The following NTM variants were observed in gnomAD, a reference collection of about 807,000 sequenced individuals.
NTM encodes the protein neurotrimin.
Under a neutral mutation model 42.1 loss-of-function variants are expected in NTM, and 13 were observed. That is an observed-to-expected ratio of 0.31 (90% CI 0.20 to 0.49). NTM has a LOEUF of 0.49. Among genes scored for constraint, NTM ranks in the 20% least tolerant of loss-of-function variants. The pLI, the probability that NTM is intolerant of heterozygous loss-of-function variation, is 0.99. For missense variants in NTM, 373 were observed against 452.8 expected (o/e 0.82, Z 1.60); for synonymous variants, 187 against 179.2 (o/e 1.04, Z -0.35).
chr11:132,083,151 G>T (rs1250900429), intron 2 of NTM, among the ~76,000 whole-genome samples: 2 of 152,146 alleles, frequency 1.3e-5, no homozygotes, highest in Non-Finnish European at 2.9e-5. Context: ...TTTCTTCTGA[G>T]TTGCAGCCAG....
chr11:131,524,983 G>A (rs1292480933), intron 1 of NTM, among the ~76,000 whole-genome samples: 2 of 152,126 alleles, frequency 1.3e-5, no homozygotes. Context: ...AGGAAACCTG[G>A]TACAGGGGAT....
intron 1 of NTM, among the ~76,000 whole-genome samples, chr11:131,732,059 A>G (rs1199556579): frequency 6.6e-6 from 1 of 151,932 alleles, no homozygotes; most frequent in East Asian, 1.9e-4. Context: ...TTTAACTCAA[A>G]CTCTCTGGAC....
intron 1 of NTM, among the ~76,000 whole-genome samples, chr11:131,815,203 C>T (rs1265542406): frequency 6.6e-6 from 1 of 152,140 alleles, no homozygotes; most frequent in Non-Finnish European, 1.5e-5. Context: ...TGTTCTTCTG[C>T]CCCCGCCTTC....
chr11:131,769,788 A>G (rs1160158978), intron 1 of NTM: 1 of 153,164 alleles, frequency 6.5e-6, no homozygotes, highest in Non-Finnish European at 1.5e-5. Context: ...AGGCTTGAGG[A>G]GAAAGAAGCA....
rs10894459 is a variant in NTM at position 131,827,240 on chromosome 11, A to T, written c.83-84324A>T. 2.2e-3 allele frequency among the ~76,000 whole-genome samples: 332 copies of T among 152,106 alleles called. 1 individual carries two copies. Among genetic ancestry groups the T allele is most frequent in the African/African-American group, 7.6e-3 (316 of 41,520 alleles). ...CTGCTATAGAGGTAAAGGCAAGATG[A>T]CACAATAGGAAATAAAAGGAGAGCC... On this transcript the variant is annotated intron_variant, in intron 1 of 8. Coordinates refer to ENST00000683400, the MANE Select transcript of NTM (RefSeq NM_001352005.2).
chr11:131,644,397 C>T (rs367958352), intron 1 of NTM, among the ~76,000 whole-genome samples: 5 of 152,242 alleles, frequency 3.3e-5, no homozygotes, highest in African/African-American at 1.2e-4. Flanking sequence ...CTGGGGCTGC[C>T]CCAGGGAGTT....
intron 1 of NTM, among the ~76,000 whole-genome samples, chr11:131,690,222 C>G (rs1268377206): frequency 1.3e-5 from 2 of 152,188 alleles, no homozygotes; most frequent in African/African-American, 4.8e-5. Flanking sequence ...TCCCTGAACA[C>G]CTTGGTGCAA....
chr11:132,069,752 A>T (rs71485720), intron 2 of NTM, among the ~76,000 whole-genome samples: 2 of 148,460 alleles, frequency 1.3e-5, no homozygotes, highest in East Asian at 2.1e-4. Flanking sequence ...AACACGTCAC[A>T]CAGCCAAGTT....
At chr11:132,063,834 G>C (rs1239948813) in intron 2 of NTM, among the ~76,000 whole-genome samples, 2 of 152,158 alleles carry the variant, frequency 1.3e-5, no homozygotes, top group African/African-American at 4.8e-5. Flanking sequence ...TACAAAAAGA[G>C]GCAGACATAG....
chr11:132,047,954 C>T (rs1463855432), intron 2 of NTM, among the ~76,000 whole-genome samples: 1 of 152,126 alleles, frequency 6.6e-6, no homozygotes, highest in Non-Finnish European at 1.5e-5. Context: ...CTAATGCCCT[C>T]ACTTTCTACC....
chr11:132,334,940 G>A (rs2095859530), intron 8 of NTM, 106 bp from the exon 9 acceptor site: 2 of 1,524,582 alleles, frequency 1.3e-6, no homozygotes, highest in Non-Finnish European at 1.8e-6. Context: ...TCACTTAGAG[G>A]GATGACTCAC....
chr11:131,712,740 C>T, intron 1 of NTM, among the ~76,000 whole-genome samples: 1 of 152,004 alleles, frequency 6.6e-6, no homozygotes, highest in East Asian at 1.9e-4. Flanking sequence ...CATGCCACCA[C>T]ACCAGCCTAA....
intron 1 of NTM, among the ~76,000 whole-genome samples, chr11:131,764,389 C>T (rs940633973): frequency 1.3e-5 from 2 of 152,054 alleles, no homozygotes; most frequent in Non-Finnish European, 2.9e-5. Flanking sequence ...TGGGGACTTC[C>T]ATAGACAGGA....
chr11:131,482,273 G>C (rs1270022054), intron 1 of NTM, among the ~76,000 whole-genome samples: 6 of 152,156 alleles, frequency 3.9e-5, no homozygotes, highest in African/African-American at 1.4e-4. Flanking sequence ...GACAGCTTCT[G>C]TCCAGCTCTT....
chr11:131,914,959 G>T (rs2056035570), intron 2 of NTM, among the ~76,000 whole-genome samples: 1 of 152,226 alleles, frequency 6.6e-6, no homozygotes, highest in Admixed American at 6.5e-5. Context: ...AAACTGAGGT[G>T]TGGAGAGTTT....
chr11:131,735,836 GT>G (rs1424269925), intron 1 of NTM, among the ~76,000 whole-genome samples: 1,923 of 68,904 alleles, frequency 0.028, 11 homozygotes, highest in African/African-American at 0.058. Flanking sequence ...CATTCATAAG[GT>G]GTGTGTGTGT....
At chr11:131,582,425 C>T (rs2058489295) in intron 1 of NTM, 2 of 152,120 alleles carry the variant, frequency 1.3e-5, no homozygotes, top group African/African-American at 4.8e-5. Flanking sequence ...ATAGCAGTTG[C>T]CGCGCTTCCA....
chr11:132,049,277 G>A (rs2078498571), intron 2 of NTM, among the ~76,000 whole-genome samples: 1 of 152,142 alleles, frequency 6.6e-6, no homozygotes, highest in Admixed American at 6.5e-5. Context: ...ACACCCCCAG[G>A]CGGCCCAGGC....
intron 1 of NTM, among the ~76,000 whole-genome samples, chr11:131,585,916 C>T (rs1445273385): frequency 6.6e-6 from 1 of 152,160 alleles, no homozygotes; most frequent in Admixed American, 6.5e-5. Flanking sequence ...CACCAATTTG[C>T]CAGAACCTAA....
Sources: gnomAD v4.1 joint callset for allele counts (sites outside exome capture counted in the v4.1 genomes callset) on GRCh38, gnomAD v4.1.1 for gene constraint, MANE v1.5 for transcripts, NCBI Gene and HGNC (gene_info 2026-07-23, HGNC 2026-07-21) for gene names.